RCOR3: variants seen among roughly 807,000 people sequenced by gnomAD.
RCOR3 encodes REST corepressor 3.
A neutral mutation model predicts 64.1 loss-of-function variants in RCOR3; 13 were observed. That is an observed-to-expected ratio of 0.20 (90% CI 0.13 to 0.32). The LOEUF is 0.32. RCOR3 is among the 10% of genes least tolerant of loss of function. RCOR3 has a pLI of 1.00. For synonymous variants in RCOR3, 215 were observed against 239.0 expected (o/e 0.90, Z 0.93); for missense variants, 489 against 701.2 (o/e 0.70, Z 3.42).
intron 7 of RCOR3, among the ~76,000 whole-genome samples, chr1:211,280,450 A>G (rs901000974): frequency 3.9e-5 from 6 of 152,232 alleles, no homozygotes; most frequent in Admixed American, 1.3e-4. Flanking sequence ...AGTACCTGGT[A>G]TATGGCAAAT....
chr1:211,261,753 C>T (rs996315805), intron 2 of RCOR3, among the ~76,000 whole-genome samples: 2 of 151,624 alleles, frequency 1.3e-5, no homozygotes, highest in African/African-American at 2.4e-5. Context: ...AACCCCGTCT[C>T]TACTAAAAAT....
intron 10 of RCOR3, among the ~76,000 whole-genome samples, chr1:211,308,716 A>ATTTTTTTTTTTTTTTTTTTTTTTTT (rs34691206): frequency 1.2e-5 from 1 of 82,278 alleles, no homozygotes; most frequent in Non-Finnish European, 2.2e-5. Context: ...TCCAAAATCA[A>ATTTTTTTTTTTTTTTTTTTTTTTTT]TTTTTTTTTT....
chr1:211,259,843 G>T (rs986654286), intron 1 of RCOR3, 117 bp downstream of exon 1: 3 of 1,128,532 alleles, frequency 2.7e-6, no homozygotes, highest in Non-Finnish European at 3.6e-6. Flanking sequence ...TGGGCGCTGC[G>T]GTAGCCTCGA....
intron 2 of RCOR3, among the ~76,000 whole-genome samples, chr1:211,263,884 G>C (rs960381284): frequency 4.0e-5 from 6 of 151,768 alleles, no homozygotes; most frequent in African/African-American, 1.2e-4. Context: ...GCAGTGGTGC[G>C]ATCTTGGCTC....
At chr1:211,267,911 T>C (rs1436225597) in intron 2 of RCOR3, 3 of 362,302 alleles carry the variant, frequency 8.3e-6, no homozygotes, top group Non-Finnish European at 5.3e-6. Flanking sequence ...TTACCTTTTA[T>C]GGGGAAAAAT....
At position 211,309,542 on chromosome 1, in the gene RCOR3, T is replaced by C. The variant is rs563382831; in HGVS notation, c.1076-3178T>C. 3.3e-5 allele frequency among the ~76,000 whole-genome samples: 5 copies of C among 152,344 alleles called. No individual in the cohort carries two copies. In the East Asian group the frequency reaches 9.6e-4, roughly 29 times the overall value. On this transcript the variant is annotated intron_variant, in intron 10 of 11. Transcript: ENST00000419091. ...TTTAGAAATTTGACTGAAAACAATT[T>C]TTTTCTTCCTGGGAAACTTACTATT... is the stretch of plus-strand genomic sequence containing the variant.
intron 10 of RCOR3, among the ~76,000 whole-genome samples, chr1:211,304,592 TG>T (rs1700682007): frequency 6.6e-6 from 1 of 152,242 alleles, no homozygotes; most frequent in Non-Finnish European, 1.5e-5. Context: ...TAACTTTCAG[TG>T]TTTCATACTT....
At position 211,313,138 on chromosome 1, in the gene RCOR3, T is replaced by C. The variant is rs1701661724; in HGVS notation, c.1317+177T>C. 1 of 1,481,836 alleles carries C rather than the reference T, an allele frequency of 6.7e-7. No individual in the cohort carries two copies. Among genetic ancestry groups the C allele is most frequent in the East Asian group, 2.4e-5 (1 of 42,148 alleles). The allele number at this position is 1,481,836 out of a possible 1,614,324, so 91.8% of individuals were successfully genotyped here. Reference sequence around the variant, plus strand: ...TAAGTCATAATGACATGCTAAGTTCTGATTCTAGAAGAATGGAGAGTGTAT... The same window carrying C: ...TAAGTCATAATGACATGCTAAGTTCCGATTCTAGAAGAATGGAGAGTGTAT... On this transcript the variant is annotated intron_variant, in intron 11 of 11. Transcript: ENST00000419091. This position sits in a 1 kb window ranked among gnomAD's most constrained non-coding sequence, Gnocchi z 4.7.
intron 2 of RCOR3, among the ~76,000 whole-genome samples, chr1:211,270,940 C>G (rs968675844): frequency 6.5e-4 from 99 of 152,014 alleles, no homozygotes; most frequent in African/African-American, 2.3e-3. Flanking sequence ...CTGCAAGCTC[C>G]GCCTCCCGGG....
At chr1:211,305,100 A>G (rs1700731433) in intron 10 of RCOR3, among the ~76,000 whole-genome samples, 2 of 152,230 alleles carry the variant, frequency 1.3e-5, no homozygotes, top group Admixed American at 1.3e-4. Context: ...CTGTGCAGAC[A>G]TCATTCCGAT....
At chr1:211,271,395 T>G (rs906379578) in intron 3 of RCOR3, 86 bp downstream of exon 3, 1 of 987,160 alleles carries the variant, frequency 1.0e-6, no homozygotes, top group Non-Finnish European at 1.6e-6. Flanking sequence ...TTGGGTCTTA[T>G]AGATTCTCAT....
chr1:211,286,139 G>A (rs903442923), intron 7 of RCOR3, among the ~76,000 whole-genome samples: 1 of 152,050 alleles, frequency 6.6e-6, no homozygotes, highest in Non-Finnish European at 1.5e-5. Flanking sequence ...CATTTATATT[G>A]ATCACATTTA....
intron 7 of RCOR3, among the ~76,000 whole-genome samples, chr1:211,284,732 G>C (rs762597957): frequency 2.4e-4 from 37 of 151,804 alleles, no homozygotes; most frequent in Non-Finnish European, 4.6e-4. Context: ...ACATTGTCCA[G>C]ACTGGTCTTG....
In RCOR3 at chr1:211,260,144, G is replaced by T; in HGVS notation, c.203G>T (p.Arg68Leu). ...GMRVGAEYQA[R>L]IPEFDPGATK... ...AGAGTCGGAGCCGAATACCAAGCTC[G>T]GATCCCTGAATTTGATCCAGGTAGA... Residue 68 changes from arginine to leucine, a missense_variant, in exon 2 of 12, where the codon CGG becomes CTG. Around this residue, in one of 2 missense-constraint regions of RCOR3, gnomAD observed 402 missense variants for 617.0 expected, o/e 0.65. Coordinates refer to ENST00000419091, the MANE Select transcript of RCOR3 (RefSeq NM_001136223.3). 1 of 1,611,968 alleles carries T rather than the reference G, an allele frequency of 6.2e-7. No individual in the cohort carries two copies. Among genetic ancestry groups the T allele is most frequent in the Non-Finnish European group, 8.5e-7 (1 of 1,178,812 alleles).
chr1:211,308,684 G>GTTTTTTTTTTTTTTT (rs71585833), intron 10 of RCOR3, among the ~76,000 whole-genome samples: 13 of 42,012 alleles, frequency 3.1e-4, no homozygotes, highest in Admixed American at 8.9e-4. Flanking sequence ...TTTTTTTTTT[G>GTTTTTTTTTTTTTTT]TTTTTTTTTT....
rs1007662781 is a variant in RCOR3, at chr1:211,315,454, T to C, written c.*1686T>C. On this transcript the variant is annotated 3_prime_UTR_variant, in exon 12 of 12. Coordinates refer to ENST00000419091, the MANE Select transcript of RCOR3 (RefSeq NM_001136223.3). Reference sequence around the variant, plus strand: ...CAGGTTAGGTCCTTTTCTTTCTCATTGAATCATCTTAAATAGTTCTTGGCC... The same window carrying C: ...CAGGTTAGGTCCTTTTCTTTCTCATCGAATCATCTTAAATAGTTCTTGGCC... The C allele has an allele frequency of 1.3e-5, 2 of 152,226 alleles. No individual in the cohort carries two copies. Among genetic ancestry groups the C allele is most frequent in the Non-Finnish European group, 2.9e-5 (2 of 68,042 alleles). 9.4% of individuals were successfully genotyped at this position (152,226 alleles called of 1,614,324 possible).
At chr1:211,281,226 C>T (rs533449921) in intron 7 of RCOR3, among the ~76,000 whole-genome samples, 20 of 152,134 alleles carry the variant, frequency 1.3e-4, no homozygotes, top group Non-Finnish European at 2.1e-4. Flanking sequence ...CTTTGACTTT[C>T]GTAATGCCAT....
At chr1:211,264,824 A>G (rs1321266187) in intron 2 of RCOR3, among the ~76,000 whole-genome samples, 1 of 152,226 alleles carries the variant, frequency 6.6e-6, no homozygotes, top group Admixed American at 6.5e-5. Context: ...TTTACTAACT[A>G]GATTTCTGAT....
chr1:211,267,994 C>G (rs1695494960), intron 2 of RCOR3: 1 of 280,854 alleles, frequency 3.6e-6, no homozygotes, highest in African/African-American at 2.3e-5. Context: ...TTCTGTAAGG[C>G]AAGAATGAGA....
Sources: gnomAD v4.1 joint callset for allele counts (sites outside exome capture counted in the v4.1 genomes callset) on GRCh38, gnomAD v4.1.1 for gene constraint, gnomAD v4.1.1 regional missense constraint, Gnocchi (gnomAD v3.1) non-coding constraint, MANE v1.5 for transcripts, NCBI Gene and HGNC (gene_info 2026-07-23, HGNC 2026-07-21) for gene names.